Variants in ZNF804A observed in about 807,000 individuals in gnomAD.
The protein encoded by ZNF804A is zinc finger protein 804A.
Under a neutral mutation model 16.5 loss-of-function variants are expected in ZNF804A, and 2 were observed. The ratio of observed to expected loss-of-function variants is 0.12; its 90% CI spans 0.05 to 0.38. The LOEUF (loss-of-function observed/expected upper bound fraction) is 0.38. Among genes scored for constraint, ZNF804A ranks in the 10% least tolerant of loss-of-function variants. The probability of loss-of-function intolerance (pLI) is 0.99; values close to 1 mark genes in which losing one functional copy is unlikely to be tolerated. For missense variants in ZNF804A, 1,473 were observed against 1,390.7 expected (o/e 1.06, Z -0.94); for synonymous variants, 534 against 489.6 (o/e 1.09, Z -1.20).
intron 2 of ZNF804A, among the ~76,000 whole-genome samples, chr2:184,904,490 AT>A (rs1685238843): frequency 6.6e-6 from 1 of 152,072 alleles, no homozygotes; most frequent in African/African-American, 2.4e-5. Flanking sequence ...TTAATTATAC[AT>A]TTAGTTTCAC....
chr2:184,864,724 G>T (rs758643611), intron 1 of ZNF804A, among the ~76,000 whole-genome samples: 3 of 152,070 alleles, frequency 2.0e-5, no homozygotes, highest in Non-Finnish European at 2.9e-5. Context: ...TAAACAAATT[G>T]CTTTAATTTC....
At chr2:184,841,544 T>C (rs780151055) in intron 1 of ZNF804A, among the ~76,000 whole-genome samples, 3 of 152,148 alleles carry the variant, frequency 2.0e-5, no homozygotes, top group Non-Finnish European at 4.4e-5. Flanking sequence ...AATCTACTCC[T>C]TAAGCTTGGT....
intron 1 of ZNF804A, among the ~76,000 whole-genome samples, chr2:184,754,387 C>A (rs1693926156): frequency 6.6e-6 from 1 of 151,800 alleles, no homozygotes; most frequent in Non-Finnish European, 1.5e-5. Flanking sequence ...TATATAATTC[C>A]TGAACTCACT....
rs749214881 is a variant in ZNF804A at position 184,782,066 on chromosome 2, AG to A, written c.112-84300del. On this transcript the variant is annotated intron_variant, in intron 1 of 3. Coordinates refer to ENST00000302277, the MANE Select transcript of ZNF804A (RefSeq NM_194250.2). ...TTATAAGGATATGAGTTAGTGGATT[AG>A]GGCCCACCCCTCTGACCTTATTTAA... Among the ~76,000 whole-genome samples the A allele has an allele frequency of 2.6e-5, 4 of 151,700 alleles. No individual in the cohort carries two copies. In the East Asian group the frequency reaches 5.9e-4, roughly 22 times the overall value.
At chr2:184,772,402 G>A (rs1694230257) in intron 1 of ZNF804A, among the ~76,000 whole-genome samples, 1 of 151,870 alleles carries the variant, frequency 6.6e-6, no homozygotes, top group South Asian at 2.1e-4. Context: ...CGTCTTTCGT[G>A]ACTTGCTTCT....
chr2:184,729,379 T>C (rs2105746566), intron 1 of ZNF804A, among the ~76,000 whole-genome samples: 1 of 151,990 alleles, frequency 6.6e-6, no homozygotes, highest in Admixed American at 6.6e-5. Flanking sequence ...CAGTAAGAAA[T>C]ACCTCATGAT....
At chr2:184,803,213 C>T (rs572561661) in intron 1 of ZNF804A, among the ~76,000 whole-genome samples, 1 of 152,164 alleles carries the variant, frequency 6.6e-6, no homozygotes, top group South Asian at 2.1e-4. Flanking sequence ...GTTTCCTCTA[C>T]CTAAAGTGCT....
chr2:184,806,049 G>A (rs1694796363), intron 1 of ZNF804A, among the ~76,000 whole-genome samples: 1 of 151,660 alleles, frequency 6.6e-6, no homozygotes, highest in Admixed American at 6.6e-5. Context: ...TTATATCAAA[G>A]GAAGTTAAAA....
At chr2:184,860,808 CAGG>C (rs1695788332) in intron 1 of ZNF804A, among the ~76,000 whole-genome samples, 1 of 152,188 alleles carries the variant, frequency 6.6e-6, no homozygotes, top group Admixed American at 6.5e-5. Flanking sequence ...ACTGGGGCTG[CAGG>C]AGTAGACTTT....
At chr2:184,715,862 T>C (rs1693204227) in intron 1 of ZNF804A, among the ~76,000 whole-genome samples, 1 of 152,180 alleles carries the variant, frequency 6.6e-6, no homozygotes, top group South Asian at 2.1e-4. Flanking sequence ...TTGTTAGTTT[T>C]TCACTAAATC....
At chr2:184,722,791 A>G (rs1346000163) in intron 1 of ZNF804A, among the ~76,000 whole-genome samples, 1 of 152,016 alleles carries the variant, frequency 6.6e-6, no homozygotes, top group Non-Finnish European at 1.5e-5. Context: ...GAAATGCATT[A>G]TTCAAAATAA....
chr2:184,907,743 G>A (rs1017862456), intron 2 of ZNF804A, among the ~76,000 whole-genome samples: 3 of 152,022 alleles, frequency 2.0e-5, no homozygotes, highest in East Asian at 1.9e-4. Context: ...GATACAAATC[G>A]TTAAAGGTTA....
chr2:184,722,054 G>A (rs995626331), intron 1 of ZNF804A, among the ~76,000 whole-genome samples: 2 of 151,978 alleles, frequency 1.3e-5, no homozygotes, highest in African/African-American at 4.8e-5. Flanking sequence ...GAGGTAGAGA[G>A]TGGAATGATA....
intron 1 of ZNF804A, among the ~76,000 whole-genome samples, chr2:184,790,166 A>C (rs896820192): frequency 6.6e-6 from 1 of 150,772 alleles, no homozygotes; most frequent in East Asian, 1.9e-4. Context: ...TTTTAACTTT[A>C]TTCCACTGTG....
chr2:184,839,243 A>G (rs1695398627), intron 1 of ZNF804A, among the ~76,000 whole-genome samples: 1 of 152,120 alleles, frequency 6.6e-6, no homozygotes, highest in South Asian at 2.1e-4. Context: ...AAATGATGTC[A>G]TGCTACATGT....
intron 1 of ZNF804A, among the ~76,000 whole-genome samples, chr2:184,790,006 AG>A (rs950493230): frequency 6.6e-6 from 1 of 151,948 alleles, no homozygotes; most frequent in Non-Finnish European, 1.5e-5. Flanking sequence ...TGGATCCCAA[AG>A]GTTTTGATAT....
At chr2:184,724,492 T>C (rs921480577) in intron 1 of ZNF804A, among the ~76,000 whole-genome samples, 36 of 151,530 alleles carry the variant, frequency 2.4e-4, no homozygotes, top group African/African-American at 8.7e-4. Flanking sequence ...AGTTTCCCAA[T>C]ACAGAAATTC....
chr2:184,832,121 G>A (rs1340601428), intron 1 of ZNF804A, among the ~76,000 whole-genome samples: 2 of 151,890 alleles, frequency 1.3e-5, no homozygotes, highest in Non-Finnish European at 2.9e-5. Context: ...TATGCAATTT[G>A]TCCATCTCTT....
chr2:184,779,471 TG>T (rs1694341584), intron 1 of ZNF804A, among the ~76,000 whole-genome samples: 1 of 151,698 alleles, frequency 6.6e-6, no homozygotes, highest in East Asian at 1.9e-4. Flanking sequence ...TTAGGTTACA[TG>T]GGAAAGGGAA....
Sources: allele counts gnomAD v4.1 joint callset (sites outside exome capture counted in the v4.1 genomes callset), GRCh38; gene constraint gnomAD v4.1.1; transcripts MANE v1.5; gene names NCBI Gene and HGNC (gene_info 2026-07-23, HGNC 2026-07-21).